The following DHX36 variants were observed in gnomAD, a reference collection of about 807,000 sequenced individuals.
DHX36 encodes the protein DEAH-box helicase 36, also known as ATP-dependent DNA/RNA helicase DHX36.
Under a neutral mutation model 139.0 loss-of-function variants are expected in DHX36, and 50 were observed. The observed-to-expected ratio is 0.36, with a 90% CI of 0.29 to 0.46. The LOEUF is 0.46. Among genes scored for constraint, DHX36 ranks in the 20% least tolerant of loss-of-function variants. The pLI is 1.00. For missense variants in DHX36, 1,024 were observed against 1,211.3 expected, an observed-to-expected ratio of 0.85 and a Z score of 2.29; for synonymous variants, 425 against 401.9, an observed-to-expected ratio of 1.06 and a Z score of -0.69.
chr3:154,276,439 A>G (rs1029545732), intron 24 of DHX36, 83 bp from the exon 25 acceptor site: 25 of 1,309,374 alleles, frequency 1.9e-5, no homozygotes, highest in Admixed American at 1.5e-4. Flanking sequence ...TTTACCTGAT[A>G]CAAGGAGTTT....
intron 17 of DHX36, among the ~76,000 whole-genome samples, chr3:154,285,537 G>A (rs1711517934): frequency 1.3e-5 from 2 of 152,144 alleles, no homozygotes; most frequent in Non-Finnish European, 2.9e-5. Context: ...AAATCAAGAG[G>A]TTAGGGAATG....
intron 9 of DHX36, among the ~76,000 whole-genome samples, chr3:154,302,729 G>C (rs1252253911): frequency 3.3e-5 from 5 of 152,116 alleles, no homozygotes; most frequent in Non-Finnish European, 7.4e-5. Flanking sequence ...CAGCAAAAGG[G>C]TTCAAACACT....
intron 12 of DHX36, among the ~76,000 whole-genome samples, chr3:154,298,100 G>A (rs1457252630): frequency 6.6e-6 from 1 of 152,080 alleles, no homozygotes; most frequent in African/African-American, 2.4e-5. Context: ...AATTGAGCTG[G>A]TAGTGGAAGT....
intron 20 of DHX36, among the ~76,000 whole-genome samples, chr3:154,281,442 A>G (rs892564094): frequency 6.6e-6 from 1 of 152,056 alleles, no homozygotes; most frequent in African/African-American, 2.4e-5. Flanking sequence ...CCTTGCCTCA[A>G]TACTCAGTCT....
chr3:154,280,704 A>C, intron 21 of DHX36, 35 bp from the exon 22 acceptor site: 1 of 1,605,474 alleles, frequency 6.2e-7, no homozygotes, highest in Non-Finnish European at 8.5e-7. Flanking sequence ...GGAAAAGAAA[A>C]GTAAAATACT....
intron 12 of DHX36, among the ~76,000 whole-genome samples, chr3:154,296,096 C>T (rs187735057): frequency 5.9e-5 from 9 of 152,140 alleles, no homozygotes; most frequent in Admixed American, 1.3e-4. Flanking sequence ...TTAATCAAAC[C>T]GATAATATCT....
chr3:154,318,806 G>A (rs886508597), intron 1 of DHX36, among the ~76,000 whole-genome samples: 1 of 152,130 alleles, frequency 6.6e-6, no homozygotes, highest in African/African-American at 2.4e-5. Flanking sequence ...TTGTGTAGTA[G>A]GATCTTGTTT....
intron 9 of DHX36, among the ~76,000 whole-genome samples, chr3:154,301,410 T>C (rs745791616): frequency 1.8e-4 from 28 of 152,276 alleles, no homozygotes; most frequent in Middle Eastern, 3.4e-3. Flanking sequence ...TACCTTCTAT[T>C]TTAAGTTTGC....
rs777634590 is a variant in DHX36, at chr3:154,283,252, C to T, written c.2312G>A (p.Arg771Gln). Residue 771 changes from arginine (R) to glutamine (Q), a missense_variant, in exon 20 of 25, where the codon CGA (arginine) becomes CAA (glutamine). Coordinates refer to ENST00000496811, the MANE Select transcript of DHX36 (RefSeq NM_020865.3). ...NAFEGWEEAR[R>Q]RGFRYEKDYC... ...GTCCTTTTCGTATCTGAAACCACGT[C>T]GCCTAGCCTCTTCCCAGCCCTATGG... 6 of 1,613,530 alleles carry T rather than the reference C, an allele frequency of 3.7e-6. No homozygotes were observed. The highest frequency in any genetic ancestry group is 4.5e-5 in the East Asian group (2 of 44,862).
At chr3:154,281,354 G>T (rs867357767) in intron 20 of DHX36, among the ~76,000 whole-genome samples, 7 of 151,744 alleles carry the variant, frequency 4.6e-5, no homozygotes, top group Admixed American at 2.6e-4. Context: ...TGGCAGGTAA[G>T]CTTAAGGTTT....
chr3:154,282,469 A>T (rs868838410), intron 20 of DHX36, among the ~76,000 whole-genome samples: 1 of 151,356 alleles, frequency 6.6e-6, no homozygotes, highest in African/African-American at 2.4e-5. Flanking sequence ...TCATATTCTT[A>T]TTAGCTATTC....
Position 154,283,203 on chromosome 3 carries a change from A to C in DHX36, c.2361T>G (p.Ser787=). ...TCACCATTACCTGCAGTGTGTTTGA[A>C]GACAGAAAATATTCCCAGCAATAGT... ...EKDYCWEYFL[S]SNTLQMLHNM... Residue 787 remains serine, a synonymous_variant, in exon 20 of 25, where the codon TCT becomes TCG. Transcript: ENST00000496811. 1 of 1,613,394 alleles carries C rather than the reference A, an allele frequency of 6.2e-7. No homozygotes were observed.
chr3:154,321,445 G>A (rs1157898114), intron 1 of DHX36, among the ~76,000 whole-genome samples: 1 of 152,138 alleles, frequency 6.6e-6, no homozygotes, highest in Non-Finnish European at 1.5e-5. Context: ...TACTGTCCCT[G>A]AAAAATCTTC....
chr3:154,285,067 G>GT (rs1711509039), intron 17 of DHX36, 80 bp from the exon 18 acceptor site: 3 of 1,424,142 alleles, frequency 2.1e-6, no homozygotes, highest in Admixed American at 3.9e-5. Flanking sequence ...TTTAAAAAGA[G>GT]TAACAAGCCA....
At chr3:154,292,741 AC>A (rs1711875452) in intron 14 of DHX36, 47 bp from the exon 15 acceptor site, 42 of 1,588,386 alleles carry the variant, frequency 2.6e-5, no homozygotes, top group Non-Finnish European at 3.4e-5. Context: ...ACACACACAC[AC>A]ACACACACAC....
chr3:154,293,331 G>A (rs1481445212), intron 14 of DHX36, among the ~76,000 whole-genome samples: 1 of 152,154 alleles, frequency 6.6e-6, no homozygotes, highest in Non-Finnish European at 1.5e-5. Context: ...TGTCATCCCA[G>A]CACTTTGGGA....
chr3:154,287,949 T>A (rs765872675), intron 17 of DHX36, among the ~76,000 whole-genome samples: 1 of 150,424 alleles, frequency 6.6e-6, no homozygotes, highest in Non-Finnish European at 1.5e-5. Flanking sequence ...ATAAGAAAGG[T>A]TGGTGAAGCT....
rs754123835 is a variant in DHX36, at chr3:154,300,672, A to G, written c.1383T>C (p.Val461=). Residue 461 remains valine, a synonymous_variant, in exon 11 of 25, where the codon GTT becomes GTC. Transcript: ENST00000496811. ...CTTTATCATCCTCCATCATTTCTATAACATCTACAGTACTTGCAGAATACC... is the reference window on the plus strand; with the variant it reads ...CTTTATCATCCTCCATCATTTCTATGACATCTACAGTACTTGCAGAATACC... ...RRRYSASTVD[V]IEMMEDDKVD... The G allele has an allele frequency of 1.9e-6, 3 of 1,613,384 alleles. No homozygotes were observed. Among genetic ancestry groups the G allele is most frequent in the Non-Finnish European group, 2.5e-6 (3 of 1,179,532 alleles).
At chr3:154,320,803 T>C (rs991441926) in intron 1 of DHX36, among the ~76,000 whole-genome samples, 1 of 152,190 alleles carries the variant, frequency 6.6e-6, no homozygotes, top group African/African-American at 2.4e-5. Context: ...ATTCAAGCTG[T>C]CATTTCTCAC....
Sources: allele counts gnomAD v4.1 joint callset (sites outside exome capture counted in the v4.1 genomes callset), GRCh38; gene constraint gnomAD v4.1.1; transcripts MANE v1.5; gene names NCBI Gene and HGNC (gene_info 2026-07-23, HGNC 2026-07-21).